The following MAD1L1 variants were observed in gnomAD, a reference collection of about 807,000 sequenced individuals.
MAD1L1 encodes mitotic arrest deficient 1 like 1.
A neutral mutation model predicts 96.9 loss-of-function variants in MAD1L1; 95 were observed. The ratio of observed to expected loss-of-function variants is 0.98; its 90% CI spans 0.83 to 1.16. MAD1L1 has a LOEUF of 1.16. MAD1L1 is among the 50% of genes most tolerant of loss of function. The probability of loss-of-function intolerance (pLI) is 0.00; values close to 1 mark genes in which losing one functional copy is unlikely to be tolerated. For missense variants in MAD1L1, 1,007 were observed against 954.4 expected (o/e 1.06, Z -0.73); for synonymous variants, 473 against 396.6 (o/e 1.19, Z -2.29).
At chr7:2,050,751 C>T (rs1357316105) in intron 12 of MAD1L1, among the ~76,000 whole-genome samples, 4 of 146,328 alleles carry the variant, frequency 2.7e-5, no homozygotes, top group Non-Finnish European at 4.4e-5. Flanking sequence ...GCGGCTCAGT[C>T]CTCAGCAGGC....
At position 2,115,589 on chromosome 7, in the gene MAD1L1, C is replaced by T. The variant is rs190123420; in HGVS notation, c.1073+33563G>A. On this transcript the variant is annotated intron_variant, in intron 11 of 18. Transcript: ENST00000265854. ...CCGTGTGTTCCGGGATCAGAGGAGGCGCTGGACAGGGTCCCCGCGTGTTCC... is the reference window on the plus strand; with the variant it reads ...CCGTGTGTTCCGGGATCAGAGGAGGTGCTGGACAGGGTCCCCGCGTGTTCC... 2.7e-3 allele frequency among the ~76,000 whole-genome samples: 405 copies of T among 149,622 alleles called. 2 individuals carry two copies. In the East Asian group the frequency reaches 0.028, roughly 10 times the overall value.
At chr7:1,887,097 AG>A (rs1786084322) in intron 18 of MAD1L1, among the ~76,000 whole-genome samples, 1 of 152,236 alleles carries the variant, frequency 6.6e-6, no homozygotes. Context: ...CACTCAGGCT[AG>A]GGGGGCTCCG....
intron 15 of MAD1L1, among the ~76,000 whole-genome samples, chr7:1,976,336 G>A (rs902653082): frequency 2.0e-5 from 3 of 152,218 alleles, no homozygotes; most frequent in Non-Finnish European, 4.4e-5. Context: ...GGACATGTTC[G>A]GAGTTTCTTT....
In MAD1L1 at chr7:2,039,374, G is replaced by A. The variant is rs143060424; in HGVS notation, c.1219-24732C>T. Among the ~76,000 whole-genome samples the A allele has an allele frequency of 1.8e-4, 28 of 152,306 alleles. No homozygotes were observed. The East Asian group carries it at 4.8e-3, about 26-fold the overall frequency. On this transcript the variant is annotated intron_variant, in intron 12 of 18. Coordinates refer to ENST00000265854, the MANE Select transcript of MAD1L1 (RefSeq NM_001013836.2). The stretch of plus-strand genomic sequence containing the variant: ...ACCTCGGTTTTATTTCACTGGAATC[G>A]ACACCCAGGAATGCGACTGCTGGTC...
At chr7:1,962,319 C>T (rs766319419) in intron 15 of MAD1L1, among the ~76,000 whole-genome samples, 6 of 152,218 alleles carry the variant, frequency 3.9e-5, no homozygotes, top group African/African-American at 2.4e-5. Flanking sequence ...GATTGTGAGG[C>T]CTCCCCAGCC....
At chr7:2,044,894 T>C (rs1003850927) in intron 12 of MAD1L1, among the ~76,000 whole-genome samples, 1 of 151,940 alleles carries the variant, frequency 6.6e-6, no homozygotes, top group African/African-American at 2.4e-5. Flanking sequence ...GGCAACAGCA[T>C]GAACAAAACC....
At chr7:1,974,035 C>T (rs1475512928) in intron 15 of MAD1L1, among the ~76,000 whole-genome samples, 3 of 152,190 alleles carry the variant, frequency 2.0e-5, no homozygotes, top group Non-Finnish European at 4.4e-5. Context: ...AGGGCAGGAG[C>T]CTGCATGTCA....
At chr7:2,010,712 G>T (rs923337883) in intron 13 of MAD1L1, among the ~76,000 whole-genome samples, 1 of 152,230 alleles carries the variant, frequency 6.6e-6, no homozygotes, top group African/African-American at 2.4e-5. Context: ...TAACGGGTGG[G>T]TGGAAGGGAA....
intron 12 of MAD1L1, among the ~76,000 whole-genome samples, chr7:2,048,056 A>G (rs1373537419): frequency 3.3e-5 from 5 of 152,180 alleles, no homozygotes; most frequent in Non-Finnish European, 5.9e-5. Flanking sequence ...CACAGCACTC[A>G]ACACAGATAT....
chr7:2,002,884 G>A (rs1781861938), intron 13 of MAD1L1, among the ~76,000 whole-genome samples: 1 of 152,174 alleles, frequency 6.6e-6, no homozygotes, highest in Non-Finnish European at 1.5e-5. Context: ...CTCTGCCCCT[G>A]CGGTTCCTAC....
At chr7:1,893,506 G>A (rs183588867) in intron 18 of MAD1L1, among the ~76,000 whole-genome samples, 31 of 152,232 alleles carry the variant, frequency 2.0e-4, no homozygotes, top group Admixed American at 1.5e-3. Context: ...TCAGGAGCAC[G>A]GGAGCCACGT....
chr7:2,014,386 G>A, intron 13 of MAD1L1, 116 bp downstream of exon 13: 1 of 1,347,040 alleles, frequency 7.4e-7, no homozygotes, highest in Non-Finnish European at 9.9e-7. Flanking sequence ...ACACCTGCCA[G>A]CCGGGAACTG....
rs542984984 is a variant in MAD1L1, at chr7:1,939,007, A to G, written c.1597-2110T>C. Among the ~76,000 whole-genome samples, 381 of 122,530 alleles carry G rather than the reference A, an allele frequency of 3.1e-3. 1 individual carries two copies. Among genetic ancestry groups the G allele is most frequent in the African/African-American group, 0.011 (350 of 32,886 alleles). The allele number at this position is 122,530 out of a possible 152,430, so 80.4% of individuals were successfully genotyped here. A position where few individuals can be genotyped will look rare whatever the true frequency, so the allele number is the denominator to read the frequency against. On this transcript the variant is annotated intron_variant, in intron 16 of 18. Coordinates refer to ENST00000265854, the MANE Select transcript of MAD1L1 (RefSeq NM_001013836.2). ...CAGAGGCGCACACACACGCACACAC[A>G]CACACACACACACACATGGGCCAGG...
At position 1,886,051 on chromosome 7, in the gene MAD1L1, C is replaced by T. The variant is rs542614933; in HGVS notation, c.1998+12149G>A. On this transcript the variant is annotated intron_variant, in intron 18 of 18. Coordinates refer to ENST00000265854, the MANE Select transcript of MAD1L1 (RefSeq NM_001013836.2). The stretch of plus-strand genomic sequence containing the variant: ...ACCTGGGCCCTCACCAGCCCTCGTC[C>T]GCGTATCAGGGCAGCCTCATCCCAG... Among the ~76,000 whole-genome samples the T allele has an allele frequency of 1.3e-4, 20 of 152,336 alleles. No individual in the cohort carries two copies. In the East Asian group the frequency reaches 3.5e-3, roughly 27 times the overall value.
chr7:2,202,509 G>A (rs537891494), intron 10 of MAD1L1, among the ~76,000 whole-genome samples: 34 of 152,180 alleles, frequency 2.2e-4, no homozygotes, highest in South Asian at 1.4e-3. Flanking sequence ...CATGGTGAAC[G>A]AATGAACAAA....
intron 18 of MAD1L1, among the ~76,000 whole-genome samples, chr7:1,868,200 GGCCAAGATAACCTTGAGGCAGAACAGGGA>G (rs761171817): frequency 6.9e-4 from 105 of 152,290 alleles, no homozygotes; most frequent in Non-Finnish European, 9.6e-4. Context: ...TGGACAATTT[GGCCAAGATAACCTTGAGGCAGAACAGGGA>G]GCCAAGCCCC....
Position 2,084,351 on chromosome 7 carries a change from C to T in MAD1L1, c.1074-15013G>A, listed in dbSNP as rs148848048. Among the ~76,000 whole-genome samples, 253 of 152,352 alleles carry T rather than the reference C, an allele frequency of 1.7e-3. 2 individuals are homozygous for T. The highest frequency in any genetic ancestry group is 5.8e-3 in the African/African-American group (240 of 41,580). On this transcript the variant is annotated intron_variant, in intron 11 of 18. Transcript: ENST00000265854. ...CACGGGCAGCGCGAGGCCAGGAATG[C>T]CAAGGGCCATGACCTTCACTTGCTG...
chr7:2,112,398 A>G (rs73035483), intron 11 of MAD1L1, among the ~76,000 whole-genome samples: 4,156 of 152,342 alleles, frequency 0.027, 100 homozygotes, highest in South Asian at 0.09. Context: ...AACACCAGGC[A>G]GTGGGAAACA....
chr7:2,072,058 G>T (rs1785157692), intron 11 of MAD1L1, among the ~76,000 whole-genome samples: 1 of 152,228 alleles, frequency 6.6e-6, no homozygotes, highest in Admixed American at 6.5e-5. Context: ...AAACCCAAGG[G>T]GAATCCCAAC....
Sources: gnomAD v4.1 joint callset for allele counts (sites outside exome capture counted in the v4.1 genomes callset) on GRCh38, gnomAD v4.1.1 for gene constraint, MANE v1.5 for transcripts, NCBI Gene and HGNC (gene_info 2026-07-23, HGNC 2026-07-21) for gene names.